GRID1: variants seen among roughly 807,000 people sequenced by gnomAD.
The protein encoded by GRID1 is glutamate ionotropic receptor delta type subunit 1, also known as glutamate receptor ionotropic, delta-1.
GRID1 carries 28 observed loss-of-function variants against 98.0 expected under a neutral mutation model. The observed-to-expected ratio is 0.29, with a 90% CI of 0.21 to 0.39. GRID1 has a LOEUF of 0.39. Ranked by LOEUF, GRID1 falls within the 10% of genes least tolerant of loss-of-function variation. The pLI, the probability that GRID1 is intolerant of heterozygous loss-of-function variation, is 1.00. For synonymous variants in GRID1, 553 were observed against 538.5 expected (o/e 1.03, Z -0.37); for missense variants, 1,111 against 1,340.5 (o/e 0.83, Z 2.67).
intron 2 of GRID1, among the ~76,000 whole-genome samples, chr10:86,212,590 C>T (rs1435983888): frequency 1.3e-5 from 2 of 152,214 alleles, no homozygotes; most frequent in African/African-American, 2.4e-5. Context: ...GCACCTCTGC[C>T]GCCCCCAAGG....
chr10:85,958,820 G>A (rs537009252), intron 4 of GRID1, among the ~76,000 whole-genome samples: 1 of 152,158 alleles, frequency 6.6e-6, no homozygotes, highest in South Asian at 2.1e-4. Flanking sequence ...AGCCAGGCAT[G>A]ATGGCACATG....
intron 8 of GRID1, among the ~76,000 whole-genome samples, chr10:85,778,033 G>A (rs1376355553): frequency 2.0e-5 from 3 of 152,132 alleles, no homozygotes; most frequent in Non-Finnish European, 4.4e-5. Flanking sequence ...TGTTGTCCAT[G>A]GGATCTGTTG....
At chr10:86,179,973 G>T (rs576041312) in intron 3 of GRID1, among the ~76,000 whole-genome samples, 5 of 152,194 alleles carry the variant, frequency 3.3e-5, no homozygotes, top group Non-Finnish European at 7.3e-5. Flanking sequence ...CCAGAAAGAC[G>T]CAGAAGGGTC....
intron 14 of GRID1, 37 bp from the exon 15 acceptor site, chr10:85,613,684 C>T (rs749282835): frequency 1.7e-5 from 27 of 1,590,636 alleles, no homozygotes; most frequent in Admixed American, 6.8e-5. Flanking sequence ...TAGCCACTGA[C>T]GTCATCAACT....
intron 8 of GRID1, among the ~76,000 whole-genome samples, chr10:85,818,917 C>G (rs922726594): frequency 1.3e-5 from 2 of 151,914 alleles, no homozygotes; most frequent in Non-Finnish European, 2.9e-5. Context: ...GACAGGGGTT[C>G]GCCATGTTGA....
At chr10:85,906,322 C>G (rs1449366172) in intron 5 of GRID1, among the ~76,000 whole-genome samples, 1 of 152,036 alleles carries the variant, frequency 6.6e-6, no homozygotes, top group Non-Finnish European at 1.5e-5. Flanking sequence ...TTTTAATACT[C>G]CTCTCTAAAT....
chr10:85,658,332 C>G (rs189019964), intron 12 of GRID1, among the ~76,000 whole-genome samples: 1 of 152,338 alleles, frequency 6.6e-6, no homozygotes, highest in Non-Finnish European at 1.5e-5. Context: ...CTTCCAGACC[C>G]TCTGCTAACA....
At chr10:86,203,392 T>G (rs1845980394) in intron 3 of GRID1, among the ~76,000 whole-genome samples, 1 of 151,770 alleles carries the variant, frequency 6.6e-6, no homozygotes, top group African/African-American at 2.4e-5. Context: ...GCAGCCACAC[T>G]TGCACTCCGA....
intron 8 of GRID1, among the ~76,000 whole-genome samples, chr10:85,766,683 A>AAATGACAG (rs1199920270): frequency 6.6e-6 from 1 of 151,688 alleles, no homozygotes; most frequent in Non-Finnish European, 1.5e-5. Flanking sequence ...GAGTAGCCAA[A>AAATGACAG]AATGACAGGG....
intron 14 of GRID1, among the ~76,000 whole-genome samples, chr10:85,617,755 TG>T (rs1842808966): frequency 1.3e-5 from 2 of 152,196 alleles, no homozygotes; most frequent in South Asian, 4.1e-4. Flanking sequence ...ACATGGAAAC[TG>T]GACTAGCCAC....
intron 4 of GRID1, among the ~76,000 whole-genome samples, chr10:85,972,550 C>A (rs1842422523): frequency 6.6e-6 from 1 of 150,964 alleles, no homozygotes; most frequent in Non-Finnish European, 1.5e-5. Flanking sequence ...TTTCAATACT[C>A]ATGATCATAT....
At chr10:85,690,573 A>C (rs1198524131) in intron 12 of GRID1, among the ~76,000 whole-genome samples, 2 of 152,210 alleles carry the variant, frequency 1.3e-5, no homozygotes, top group Non-Finnish European at 2.9e-5. Flanking sequence ...CTGATTTGCC[A>C]GTCTAAAAAG....
intron 4 of GRID1, among the ~76,000 whole-genome samples, chr10:85,947,771 A>C (rs1842071617): frequency 6.6e-6 from 1 of 152,258 alleles, no homozygotes; most frequent in Non-Finnish European, 1.5e-5. Flanking sequence ...TTTCCTTCTG[A>C]AGGGGAAAGA....
At chr10:85,925,780 G>T (rs1007912475) in intron 4 of GRID1, among the ~76,000 whole-genome samples, 4 of 152,176 alleles carry the variant, frequency 2.6e-5, no homozygotes, top group Admixed American at 2.6e-4. Context: ...GGGTACATCC[G>T]CTGGGAGAAT....
intron 8 of GRID1, among the ~76,000 whole-genome samples, chr10:85,819,038 A>G (rs1842739271): frequency 6.6e-6 from 1 of 152,124 alleles, no homozygotes; most frequent in African/African-American, 2.4e-5. Context: ...ATTTGATTAT[A>G]ACTCAAAGAT....
intron 8 of GRID1, among the ~76,000 whole-genome samples, chr10:85,836,696 C>T (rs1487367344): frequency 2.0e-5 from 3 of 152,172 alleles, no homozygotes; most frequent in Admixed American, 6.5e-5. Flanking sequence ...TCAACTTCCT[C>T]CTAAATAAGA....
At chr10:85,774,011 C>G (rs543759284) in intron 8 of GRID1, among the ~76,000 whole-genome samples, 1 of 152,136 alleles carries the variant, frequency 6.6e-6, no homozygotes, top group Non-Finnish European at 1.5e-5. Context: ...GAGCCCGCAT[C>G]GCCAAGTCAA....
chr10:86,002,826 A>C (rs549383468), intron 4 of GRID1, among the ~76,000 whole-genome samples: 1 of 152,352 alleles, frequency 6.6e-6, no homozygotes, highest in African/African-American at 2.4e-5. Flanking sequence ...TTCCATCAGT[A>C]AATATTCATT....
intron 2 of GRID1, among the ~76,000 whole-genome samples, chr10:86,288,991 A>G (rs986673914): frequency 1.3e-5 from 2 of 152,186 alleles, no homozygotes; most frequent in African/African-American, 4.8e-5. Flanking sequence ...CCAGGCTTCT[A>G]TGTGAACAAA....
Sources: gnomAD v4.1 joint callset for allele counts (sites outside exome capture counted in the v4.1 genomes callset) on GRCh38, gnomAD v4.1.1 for gene constraint, MANE v1.5 for transcripts, NCBI Gene and HGNC (gene_info 2026-07-23, HGNC 2026-07-21) for gene names.